Variants in PRKCH observed in about 807,000 individuals in gnomAD.
PRKCH encodes the protein protein kinase C eta type.
In PRKCH, 28 loss-of-function variants were observed where a neutral mutation model predicts 82.5. The ratio of observed to expected loss-of-function variants is 0.34; its 90% CI spans 0.25 to 0.47. PRKCH has a LOEUF of 0.47. PRKCH is among the 20% of genes least tolerant of loss of function. PRKCH has a pLI of 1.00. For missense variants in PRKCH, 705 were observed against 881.8 expected, an observed-to-expected ratio of 0.80 and a Z score of 2.54; for synonymous variants, 322 against 327.4, an observed-to-expected ratio of 0.98 and a Z score of 0.18.
chr14:61,531,682 G>A (rs926479891), intron 12 of PRKCH, among the ~76,000 whole-genome samples: 1 of 152,144 alleles, frequency 6.6e-6, no homozygotes, highest in Non-Finnish European at 1.5e-5. Flanking sequence ...ATAACACATA[G>A]CTCAATCCTC....
rs528937573 is a variant in PRKCH, at chr14:61,197,611, C to CATTAGTCCATTCATCCATGAATGA, written c.-19+9948_-19+9971dup. 1.2e-4 allele frequency among the ~76,000 whole-genome samples: 18 copies of CATTAGTCCATTCATCCATGAATGA among 152,260 alleles called. No homozygotes were observed. The East Asian group carries it at 2.3e-3, about 20-fold the overall frequency. ...ATGATAACTCATTAAACTATTAACCCATTAGTCCATTCATCCATGAATGAA... is the reference window on the plus strand; with the variant it reads ...ATGATAACTCATTAAACTATTAACCCATTAGTCCATTCATCCATGAATGAATTAGTCCATTCATCCATGAATGAA... On this transcript the variant is annotated intron_variant, in intron 1 of 3. Coordinates refer to the PRKCH transcript ENST00000555185.
intron 1 of PRKCH, among the ~76,000 whole-genome samples, chr14:61,210,754 T>TTCTCTC (rs57385240): frequency 0.01 from 1,512 of 144,374 alleles, 21 homozygotes; most frequent in African/African-American, 0.033. Context: ...CAAGAGTCCT[T>TTCTCTC]TCTCTCTCTC....
At chr14:61,349,396 A>G (rs904994092) in intron 1 of PRKCH, among the ~76,000 whole-genome samples, 2 of 152,220 alleles carry the variant, frequency 1.3e-5, no homozygotes, top group African/African-American at 4.8e-5. Context: ...AGATGAGGAA[A>G]TCAAGGTTCT....
rs1006639372 is a variant in PRKCH at position 61,525,008 on chromosome 14, C to G, written c.1434-4067C>G. On this transcript the variant is annotated intron_variant, in intron 10 of 13. Transcript: ENST00000332981. ...GGCTCTGAGTTGGCCAGGGCAGTCC[C>G]ATTGGGGTCCATCTGAAATGCTTCT... The G allele has an allele frequency of 2.8e-4, 43 of 152,364 alleles. 1 individual carries two copies. The highest frequency in any genetic ancestry group is 9.9e-4 in the African/African-American group (41 of 41,582). 9.4% of individuals were successfully genotyped at this position (152,364 alleles called of 1,614,324 possible).
intron 1 of PRKCH, among the ~76,000 whole-genome samples, chr14:61,206,227 A>G (rs2044522600): frequency 6.6e-6 from 1 of 152,222 alleles, no homozygotes; most frequent in African/African-American, 2.4e-5. Context: ...ATCTTCTCAC[A>G]GTTCTAGAAG....
At chr14:61,422,168 C>G (rs1029122099) in intron 2 of PRKCH, among the ~76,000 whole-genome samples, 1 of 152,160 alleles carries the variant, frequency 6.6e-6, no homozygotes, top group African/African-American at 2.4e-5. Flanking sequence ...ACTGCAACCT[C>G]GAACTCCTGG....
At chr14:61,282,416 G>A (rs781392219) in intron 1 of PRKCH, among the ~76,000 whole-genome samples, 2 of 151,782 alleles carry the variant, frequency 1.3e-5, no homozygotes, top group African/African-American at 2.4e-5. Flanking sequence ...TAATACAAAT[G>A]TTTTCTCTAT....
intron 2 of PRKCH, among the ~76,000 whole-genome samples, chr14:61,435,478 A>G (rs1180943047): frequency 6.6e-6 from 1 of 152,074 alleles, no homozygotes; most frequent in Admixed American, 6.6e-5. Context: ...ACAAATGCCA[A>G]GTTTTAGGTA....
intron 2 of PRKCH, among the ~76,000 whole-genome samples, chr14:61,425,265 C>T (rs1278137281): frequency 6.6e-6 from 1 of 152,136 alleles, no homozygotes. Flanking sequence ...TTGCACTGGG[C>T]ACCTGAAAAA....
At chr14:61,233,897 T>C (rs1249343050) in intron 1 of PRKCH, among the ~76,000 whole-genome samples, 2 of 152,230 alleles carry the variant, frequency 1.3e-5, no homozygotes, top group African/African-American at 2.4e-5. Context: ...AATGGATGAA[T>C]ACATTGGTTT....
Position 61,201,205 on chromosome 14 carries a change from A to G in PRKCH, c.-19+13537A>G, listed in dbSNP as rs1417711193. On this transcript the variant is annotated intron_variant, in intron 1 of 3. Coordinates refer to the PRKCH transcript ENST00000555185. ...ATAACAATAATGAACACTTATTGAC[A>G]TTTTACTATGTGTCAGGTACTGTGC... Among the ~76,000 whole-genome samples, 3 of 152,288 alleles carry G rather than the reference A, an allele frequency of 2.0e-5. No individual in the cohort carries two copies. In the South Asian group the frequency reaches 6.2e-4, roughly 32 times the overall value.
intron 1 of PRKCH, 74 bp from the exon 2 acceptor site, chr14:61,391,151 G>C (rs945742427): frequency 1.4e-5 from 18 of 1,254,858 alleles, no homozygotes; most frequent in Non-Finnish European, 1.7e-5. Context: ...AGGCCTCTCT[G>C]TGATGAATTG....
chr14:61,202,675 G>A (rs1463715300), intron 1 of PRKCH, among the ~76,000 whole-genome samples: 1 of 151,900 alleles, frequency 6.6e-6, no homozygotes, highest in African/African-American at 2.4e-5. Context: ...AGCCAAGTGA[G>A]GTTAGTTTTT....
At chr14:61,548,660 G>C (rs973959063) in intron 13 of PRKCH, among the ~76,000 whole-genome samples, 9 of 151,502 alleles carry the variant, frequency 5.9e-5, no homozygotes, top group African/African-American at 2.2e-4. Context: ...AGGAGTTTGA[G>C]ACTAGCCTGG....
intron 9 of PRKCH, chr14:61,476,478 C>T (rs1885735298): frequency 6.6e-6 from 1 of 152,332 alleles, no homozygotes; most frequent in African/African-American, 2.4e-5. Flanking sequence ...TGCTGTACCC[C>T]TGATCATATG....
At chr14:61,217,471 A>G (rs1157590892) in intron 1 of PRKCH, among the ~76,000 whole-genome samples, 1 of 152,228 alleles carries the variant, frequency 6.6e-6, no homozygotes, top group Non-Finnish European at 1.5e-5. Flanking sequence ...CTCATAGTGT[A>G]GAGGGCAGAT....
At chr14:61,305,231 C>T (rs934017061) in intron 1 of PRKCH, 11 of 152,082 alleles carry the variant, frequency 7.2e-5, no homozygotes, top group African/African-American at 2.7e-4. Context: ...CCAGCACGGG[C>T]TGGAGCACAG....
chr14:61,460,043 TGCC>T (rs1407598987), intron 9 of PRKCH, among the ~76,000 whole-genome samples: 3 of 152,080 alleles, frequency 2.0e-5, no homozygotes, highest in Non-Finnish European at 4.4e-5. Flanking sequence ...GATGGGGTTT[TGCC>T]ATGTTTCCCA....
chr14:61,207,739 A>C (rs573414922), intron 1 of PRKCH, among the ~76,000 whole-genome samples: 2 of 152,318 alleles, frequency 1.3e-5, no homozygotes, highest in South Asian at 4.1e-4. Context: ...ACACTTGAAA[A>C]AGTAGGCATT....
Sources: gnomAD v4.1 joint callset for allele counts (sites outside exome capture counted in the v4.1 genomes callset) on GRCh38, gnomAD v4.1.1 for gene constraint, MANE v1.5 for transcripts, NCBI Gene and HGNC (gene_info 2026-07-23, HGNC 2026-07-21) for gene names.